The following CPAMD8 variants were observed in gnomAD, a reference collection of about 807,000 sequenced individuals.
The protein encoded by CPAMD8 is C3 and PZP like alpha-2-macroglobulin domain containing 8, also known as C3 and PZP-like alpha-2-macroglobulin domain-containing protein 8.
In CPAMD8, 146 loss-of-function variants were observed where a neutral mutation model predicts 224.7. The observed-to-expected ratio is 0.65, with a 90% CI of 0.57 to 0.75. CPAMD8 has a LOEUF of 0.75. CPAMD8 is among the 30% of genes least tolerant of loss of function. CPAMD8 has a pLI of 0.00. For missense variants in CPAMD8, 2,301 were observed against 2,537.5 expected, an observed-to-expected ratio of 0.91 and a Z score of 2.00; for synonymous variants, 966 against 1,044.6, an observed-to-expected ratio of 0.92 and a Z score of 1.45.
At chr19:17,017,776 T>C (rs923517249) in intron 3 of CPAMD8, among the ~76,000 whole-genome samples, 1 of 152,186 alleles carries the variant, frequency 6.6e-6, no homozygotes, top group Non-Finnish European at 1.5e-5. Context: ...ACGCCTGTAA[T>C]CCCAACACTT....
chr19:16,950,516 C>T (rs578201565), intron 20 of CPAMD8, among the ~76,000 whole-genome samples: 1 of 150,582 alleles, frequency 6.6e-6, no homozygotes, highest in Non-Finnish European at 1.5e-5. Context: ...GGGCCAAATG[C>T]AGTGGCTCAT....
chr19:16,967,837 A>G lies in CPAMD8; in HGVS notation c.2213+3054T>C, dbSNP rs183265686. Among the ~76,000 whole-genome samples, 941 of 150,224 alleles carry G rather than the reference A, an allele frequency of 6.3e-3. 5 individuals carry two copies. Among genetic ancestry groups the G allele is most frequent in the Non-Finnish European group, 9.6e-3 (652 of 67,738 alleles). On this transcript the variant is annotated intron_variant, in intron 18 of 41. Transcript: ENST00000443236. Reference sequence around the variant, plus strand: ...AAAATATATATATATATGTATATATATACACACATATGTGCGTGTATATAC... The same window carrying G: ...AAAATATATATATATATGTATATATGTACACACATATGTGCGTGTATATAC...
intron 41 of CPAMD8, chr19:16,894,604 T>C (rs2051886174): frequency 2.6e-6 from 1 of 388,094 alleles, no homozygotes; most frequent in Non-Finnish European, 5.3e-6. Flanking sequence ...GGCCTGGCAC[T>C]GTACAACTCT....
At chr19:16,900,506 G>A (rs1036301921) in intron 36 of CPAMD8, among the ~76,000 whole-genome samples, 22 of 152,144 alleles carry the variant, frequency 1.4e-4, no homozygotes, top group Admixed American at 7.9e-4. Flanking sequence ...ACTGAGGCAG[G>A]AGAATTGCTT....
intron 18 of CPAMD8, among the ~76,000 whole-genome samples, chr19:16,960,105 C>G (rs2054602487): frequency 1.3e-5 from 2 of 152,096 alleles, no homozygotes; most frequent in Admixed American, 1.3e-4. Context: ...TCTCCACCTC[C>G]TGCTCACCCA....
At position 16,893,069 on chromosome 19, in the gene CPAMD8, G is replaced by C; in HGVS notation, c.*39C>G. ...GTGTGTGGGTATGAATGGTCCCCAGGACCAAACTGCGGTCCCACAACTGCA... is the reference window on the plus strand; with the variant it reads ...GTGTGTGGGTATGAATGGTCCCCAGCACCAAACTGCGGTCCCACAACTGCA... On this transcript the variant is annotated 3_prime_UTR_variant, in exon 42 of 42. Coordinates refer to ENST00000443236, the MANE Select transcript of CPAMD8 (RefSeq NM_015692.5). The C allele has an allele frequency of 1.1e-6, 1 of 934,564 alleles. No homozygotes were observed. The highest frequency in any genetic ancestry group is 1.8e-6 in the Non-Finnish European group (1 of 561,482). The allele number at this position is 934,564 out of a possible 1,614,324, so 57.9% of individuals were successfully genotyped here.
At chr19:16,944,137 T>TA (rs2053994793) in intron 22 of CPAMD8, among the ~76,000 whole-genome samples, 1 of 152,208 alleles carries the variant, frequency 6.6e-6, no homozygotes, top group African/African-American at 2.4e-5. Flanking sequence ...CCATGCATCG[T>TA]ATTCAGCTTC....
At chr19:16,905,516 G>C (rs1353119722) in intron 30 of CPAMD8, among the ~76,000 whole-genome samples, 1 of 136,264 alleles carries the variant, frequency 7.3e-6, no homozygotes, top group African/African-American at 2.8e-5. Flanking sequence ...CTCCAGCCTG[G>C]GCAACAAGAG....
At chr19:16,976,431 G>A (rs1021345735) in intron 15 of CPAMD8, among the ~76,000 whole-genome samples, 1 of 151,970 alleles carries the variant, frequency 6.6e-6, no homozygotes, top group African/African-American at 2.4e-5. Context: ...AGCTGAGAGA[G>A]TGTGGTTGCA....
intron 13 of CPAMD8, among the ~76,000 whole-genome samples, chr19:16,985,176 C>T (rs1033893038): frequency 6.6e-6 from 1 of 151,872 alleles, no homozygotes; most frequent in African/African-American, 2.4e-5. Flanking sequence ...TCAAATGCTG[C>T]AGCCAAAAAA....
chr19:17,007,938 C>A (rs775143752), intron 7 of CPAMD8, among the ~76,000 whole-genome samples: 1 of 152,178 alleles, frequency 6.6e-6, no homozygotes, highest in African/African-American at 2.4e-5. Flanking sequence ...GAGGACAAGG[C>A]GGGTGGATCA....
chr19:16,977,290 A>G, intron 15 of CPAMD8, 78 bp downstream of exon 15: 1 of 905,062 alleles, frequency 1.1e-6, no homozygotes, highest in East Asian at 2.4e-5. Flanking sequence ...TCAGGTGTGC[A>G]CAGACCCCCT....
rs2055043469 is a variant in CPAMD8 at position 16,970,992 on chromosome 19, G to A, written c.2112C>T (p.Asn704=). The change falls in exon 18 of 42, where the codon AAC becomes AAT. Residue 704 remains asparagine (N), a synonymous_variant. Transcript: ENST00000443236. ...TGTAGAGGCCACCGTCCTGCCGGTG[G>A]TTCAGGCTCACTCGGTCGGTCATCA... ...LVVMTDRVSL[N]HRQDGGLYTD... is the part of the protein sequence containing the mutation. 2 of 1,613,110 alleles carry A rather than the reference G, an allele frequency of 1.2e-6. No individual in the cohort carries two copies. The highest frequency in any genetic ancestry group is 1.7e-6 in the Non-Finnish European group (2 of 1,179,520).
rs542004973 is a variant in CPAMD8 at position 16,962,820 on chromosome 19, C to G, written c.2214-4905G>C. On this transcript the variant is annotated intron_variant, in intron 18 of 41. Transcript: ENST00000443236. The stretch of plus-strand genomic sequence containing the variant: ...AGGTCGGGTTAACCACAAAGGGAAG[C>G]CCATCAGACTAACAGCAGATCTCTT... Among the ~76,000 whole-genome samples, 28 of 152,286 alleles carry G rather than the reference C, an allele frequency of 1.8e-4. 1 individual carries two copies. The South Asian group carries it at 5.6e-3, about 30-fold the overall frequency.
At chr19:17,000,977 T>C (rs2056294817) in intron 9 of CPAMD8, among the ~76,000 whole-genome samples, 1 of 152,102 alleles carries the variant, frequency 6.6e-6, no homozygotes, top group African/African-American at 2.4e-5. Context: ...AATGTCTGTA[T>C]GTCACTCCTG....
At position 16,957,934 on chromosome 19, in the gene CPAMD8, A is replaced by G; in HGVS notation, c.2214-19T>C. On this transcript the variant is annotated intron_variant, in intron 18 of 41. Transcript: ENST00000443236. ...CTCTGTTCTATGAAAAGAAAAAAAG[A>G]AACGATTAAGGTTTCATGAACATAA... The G allele has an allele frequency of 6.2e-7, 1 of 1,607,712 alleles. No homozygotes were observed. Among genetic ancestry groups the G allele is most frequent in the Non-Finnish European group, 8.5e-7 (1 of 1,175,980 alleles).
Position 16,899,006 on chromosome 19 carries a change from C to T in CPAMD8, c.4848+469G>A, listed in dbSNP as rs2052144445. 6.6e-6 allele frequency among the ~76,000 whole-genome samples: 1 copy of T among 152,080 alleles called. No homozygotes were observed. Among genetic ancestry groups the T allele is most frequent in the Non-Finnish European group, 1.5e-5 (1 of 68,012 alleles). On this transcript the variant is annotated intron_variant, in intron 37 of 41. Transcript: ENST00000443236. This position sits in a 1 kb window ranked among gnomAD's most constrained non-coding sequence, Gnocchi z 5.4. ...CACAATCTCAGGTCACCACAACCTC[C>T]GCCTCCCAGGTTCAAACGACTCTCC... is the stretch of plus-strand genomic sequence containing the variant.
rs1367766776 is a variant in CPAMD8 at position 16,897,392 on chromosome 19, C to T, written c.5065+299G>A. 4 of 445,046 alleles carry T rather than the reference C, an allele frequency of 9.0e-6. No individual in the cohort carries two copies. The Admixed American group carries it at 1.7e-4, about 19-fold the overall frequency. The allele number at this position is 445,046 out of a possible 1,614,324, so 27.6% of individuals were successfully genotyped here. The stretch of plus-strand genomic sequence containing the variant: ...ACCCTCAACCCATTGCGCCCAGTCC[C>T]CACCACAGTGACCACACCCTCACTG... On this transcript the variant is annotated intron_variant, in intron 39 of 41. Transcript: ENST00000443236.
rs780586777 is a variant in CPAMD8 at position 16,897,794 on chromosome 19, C to G, written c.4962G>C (p.Glu1654Asp). 3.8e-6 allele frequency: 6 copies of G among 1,584,256 alleles called. No homozygotes were observed. Among genetic ancestry groups the G allele is most frequent in the African/African-American group, 1.3e-5 (1 of 74,342 alleles). The change falls in exon 39 of 42, where the codon GAG becomes GAC. Residue 1654 changes from glutamate (E) to aspartate (D), a missense_variant. Transcript: ENST00000443236. ...TGCTGACGTTGTAGAAGCGAGTGGC[C>G]TCGAAGGCTACGGGACGAGGGTGGC... is the stretch of plus-strand genomic sequence containing the variant. ...SVYDYYEPAF[E>D]ATRFYNVSTH...
Sources: gnomAD v4.1 joint callset for allele counts (sites outside exome capture counted in the v4.1 genomes callset) on GRCh38, gnomAD v4.1.1 for gene constraint, Gnocchi (gnomAD v3.1) non-coding constraint, MANE v1.5 for transcripts, NCBI Gene and HGNC (gene_info 2026-07-23, HGNC 2026-07-21) for gene names.